The following CEP128 variants were observed in gnomAD, a reference collection of about 807,000 sequenced individuals.
CEP128 encodes the protein centrosomal protein 128.
Under a neutral mutation model 156.7 loss-of-function variants are expected in CEP128, and 132 were observed. The ratio of observed to expected loss-of-function variants is 0.84; its 90% CI spans 0.73 to 0.97. CEP128 has a LOEUF of 0.97. Ranked by LOEUF, CEP128 falls within the 50% of genes least tolerant of loss-of-function variation. The pLI, the probability that CEP128 is intolerant of heterozygous loss-of-function variation, is 0.00. For synonymous variants in CEP128, 469 were observed against 448.9 expected (o/e 1.04, Z -0.57); for missense variants, 1,252 against 1,281.9 (o/e 0.98, Z 0.36).
intron 19 of CEP128, among the ~76,000 whole-genome samples, chr14:80,621,177 AT>A (rs1246388725): frequency 2.0e-5 from 3 of 152,262 alleles, no homozygotes; most frequent in Admixed American, 2.0e-4. Flanking sequence ...ATATCTCATA[AT>A]TTTTTTAAGT....
chr14:80,740,496 AGAT>A (rs1898764314), intron 19 of CEP128, among the ~76,000 whole-genome samples: 1 of 45,328 alleles, frequency 2.2e-5, no homozygotes, highest in Non-Finnish European at 4.9e-5. Flanking sequence ...ATTTATATCT[AGAT>A]AGATAGATAG....
intron 19 of CEP128, among the ~76,000 whole-genome samples, chr14:80,610,979 T>C (rs1011824572): frequency 1.4e-4 from 22 of 152,130 alleles, no homozygotes; most frequent in Admixed American, 7.9e-4. Flanking sequence ...AAAAAATGCA[T>C]TCTTATTTAC....
intron 21 of CEP128, among the ~76,000 whole-genome samples, chr14:80,558,832 T>C (rs1019140585): frequency 6.6e-6 from 1 of 152,240 alleles, no homozygotes; most frequent in Non-Finnish European, 1.5e-5. Flanking sequence ...CAGAAAAAGC[T>C]GGCATGCTTG....
chr14:80,554,721 T>C (rs1358795613), intron 21 of CEP128, among the ~76,000 whole-genome samples: 1 of 152,118 alleles, frequency 6.6e-6, no homozygotes, highest in African/African-American at 2.4e-5. Flanking sequence ...TAATGGACAA[T>C]GGTCTTTTTT....
intron 16 of CEP128, among the ~76,000 whole-genome samples, chr14:80,777,193 A>G (rs1224028065): frequency 6.6e-6 from 1 of 152,142 alleles, no homozygotes; most frequent in Non-Finnish European, 1.5e-5. Flanking sequence ...TGAATCTACA[A>G]TGTGATGATA....
chr14:80,668,214 C>A (rs1895705338), intron 19 of CEP128, among the ~76,000 whole-genome samples: 1 of 152,132 alleles, frequency 6.6e-6, no homozygotes, highest in African/African-American at 2.4e-5. Context: ...AGAAACACAG[C>A]TGCTATGTGA....
Position 80,634,220 on chromosome 14 carries a change from T to A in CEP128, c.2807-53797A>T, listed in dbSNP as rs973717468. Among the ~76,000 whole-genome samples, 12 of 152,328 alleles carry A rather than the reference T, an allele frequency of 7.9e-5. 1 individual carries two copies. In the East Asian group the frequency reaches 2.3e-3, roughly 29 times the overall value. ...TAGATTGCTTTCAGAGGAATAACTG[T>A]TGAGAAACAAAGATTCTTGCTGGAA... On this transcript the variant is annotated intron_variant, in intron 19 of 24. Coordinates refer to ENST00000555265, the MANE Select transcript of CEP128 (RefSeq NM_152446.5).
exon 15 of CEP128, chr14:80,477,886 T>C (rs1487698112): frequency 6.6e-6 from 1 of 152,132 alleles, no homozygotes; most frequent in East Asian, 1.9e-4. Flanking sequence ...AATATTAACA[T>C]CCCATGAGAA....
At chr14:80,835,547 G>A (rs998001901) in intron 12 of CEP128, among the ~76,000 whole-genome samples, 1 of 152,092 alleles carries the variant, frequency 6.6e-6, no homozygotes, top group Non-Finnish European at 1.5e-5. Flanking sequence ...TACAGAAGCT[G>A]AGCAATGTGA....
chr14:80,840,373 T>C (rs1227559021), intron 10 of CEP128, among the ~76,000 whole-genome samples: 1 of 152,198 alleles, frequency 6.6e-6, no homozygotes, highest in Non-Finnish European at 1.5e-5. Flanking sequence ...AGTCTCCAAA[T>C]GACAGGTCTT....
At chr14:80,855,765 T>C (rs1015622595) in intron 9 of CEP128, among the ~76,000 whole-genome samples, 2 of 152,144 alleles carry the variant, frequency 1.3e-5, no homozygotes, top group Non-Finnish European at 2.9e-5. Flanking sequence ...GAAGCCAGGT[T>C]AGAATATTTG....
At chr14:80,857,761 ACAAC>A (rs1887272255) in intron 9 of CEP128, among the ~76,000 whole-genome samples, 1 of 151,418 alleles carries the variant, frequency 6.6e-6, no homozygotes, top group Non-Finnish European at 1.5e-5. Context: ...AACAACAACA[ACAAC>A]AACAAAAAAC....
chr14:80,636,827 C>G (rs1380953740), intron 19 of CEP128, among the ~76,000 whole-genome samples: 1 of 152,134 alleles, frequency 6.6e-6, no homozygotes, highest in Non-Finnish European at 1.5e-5. Flanking sequence ...TGGCTCACAC[C>G]TGTAATCCCA....
chr14:80,488,886 A>G (rs1395722540), downstream of CEP128, among the ~76,000 whole-genome samples: 1 of 151,852 alleles, frequency 6.6e-6, no homozygotes, highest in African/African-American at 2.4e-5. Context: ...TCACAAGGAC[A>G]AAAAACCAAA....
At chr14:80,567,282 T>C (rs1890954049) in intron 20 of CEP128, among the ~76,000 whole-genome samples, 2 of 152,242 alleles carry the variant, frequency 1.3e-5, no homozygotes, top group Non-Finnish European at 2.9e-5. Context: ...GCTGCGGTTG[T>C]ATTTATATTG....
intron 13 of CEP128, among the ~76,000 whole-genome samples, chr14:80,809,734 A>G (rs1013758997): frequency 4.6e-5 from 7 of 152,234 alleles, no homozygotes; most frequent in Non-Finnish European, 8.8e-5. Context: ...AAAGCAGGGG[A>G]AAAAGCATAA....
chr14:80,767,804 G>A (rs1242180929), intron 16 of CEP128, among the ~76,000 whole-genome samples: 1 of 152,134 alleles, frequency 6.6e-6, no homozygotes, highest in Admixed American at 6.5e-5. Flanking sequence ...TGGGAACACT[G>A]GCCATATGAT....
At chr14:80,751,655 A>G (rs991312321) in intron 18 of CEP128, among the ~76,000 whole-genome samples, 1 of 144,552 alleles carries the variant, frequency 6.9e-6, no homozygotes, top group Middle Eastern at 3.6e-3. Flanking sequence ...TTTGAGATGG[A>G]GTCTCACTCT....
chr14:80,526,818 C>T (rs1888990519), intron 23 of CEP128, 51 bp downstream of exon 23: 1 of 1,022,178 alleles, frequency 9.8e-7, no homozygotes, highest in Middle Eastern at 2.7e-4. Flanking sequence ...AGGTTGTAGC[C>T]TTAAACATGG....
Sources: gnomAD v4.1 joint callset for allele counts (sites outside exome capture counted in the v4.1 genomes callset) on GRCh38, gnomAD v4.1.1 for gene constraint, MANE v1.5 for transcripts, NCBI Gene and HGNC (gene_info 2026-07-23, HGNC 2026-07-21) for gene names.